The following NLGN1 variants were observed in gnomAD, a reference collection of about 807,000 sequenced individuals.
NLGN1 encodes the protein neuroligin 1, also known as neuroligin-1.
Under a neutral mutation model 65.5 loss-of-function variants are expected in NLGN1, and 12 were observed. That is an observed-to-expected ratio of 0.18 (90% CI 0.12 to 0.30). The LOEUF (loss-of-function observed/expected upper bound fraction) is 0.30, where lower values mean the gene tolerates loss of function less well. NLGN1 is among the 10% of genes least tolerant of loss of function. The pLI, the probability that NLGN1 is intolerant of heterozygous loss-of-function variation, is 1.00. For missense variants in NLGN1, 750 were observed against 1,007.1 expected, an observed-to-expected ratio of 0.74 and a Z score of 3.46; for synonymous variants, 350 against 359.5, an observed-to-expected ratio of 0.97 and a Z score of 0.30.
At chr3:174,177,998 T>C (rs1729754752) in intron 4 of NLGN1, among the ~76,000 whole-genome samples, 1 of 152,060 alleles carries the variant, frequency 6.6e-6, no homozygotes, top group Non-Finnish European at 1.5e-5. Context: ...TCCCACTCAC[T>C]AGCTTTCTAA....
chr3:174,078,112 C>T (rs978058167), intron 4 of NLGN1, among the ~76,000 whole-genome samples: 2 of 151,948 alleles, frequency 1.3e-5, no homozygotes, highest in African/African-American at 4.8e-5. Context: ...AAAAACCATA[C>T]TATATGATGT....
intron 4 of NLGN1, among the ~76,000 whole-genome samples, chr3:174,268,617 G>A (rs1452108306): frequency 2.0e-5 from 3 of 152,096 alleles, no homozygotes; most frequent in Admixed American, 1.3e-4. Context: ...AGAGTTACAA[G>A]ATGTTAACAT....
At chr3:173,589,003 A>G (rs1035561309) in intron 2 of NLGN1, among the ~76,000 whole-genome samples, 90 of 152,212 alleles carry the variant, frequency 5.9e-4, no homozygotes, top group African/African-American at 2.0e-3. Context: ...CATGAAATTC[A>G]TTTTGGAACA....
intron 3 of NLGN1, among the ~76,000 whole-genome samples, 152 bp from the exon 3 acceptor site, chr3:173,605,382 C>T (rs1751219754): frequency 6.6e-6 from 1 of 152,046 alleles, no homozygotes; most frequent in Non-Finnish European, 1.5e-5. Context: ...GATGCATCAA[C>T]ATTTCCTCAT....
intron 3 of NLGN1, among the ~76,000 whole-genome samples, chr3:173,719,400 A>G (rs1404452759): frequency 6.6e-6 from 1 of 152,046 alleles, no homozygotes; most frequent in Non-Finnish European, 1.5e-5. Flanking sequence ...TTTTTTTTAA[A>G]CAAAAGTGAC....
intron 4 of NLGN1, among the ~76,000 whole-genome samples, chr3:174,052,027 G>A (rs1247264137): frequency 2.0e-5 from 3 of 151,960 alleles, no homozygotes; most frequent in Admixed American, 6.6e-5. Context: ...TGGCATAATC[G>A]GTTTTAACAC....
intron 4 of NLGN1, among the ~76,000 whole-genome samples, chr3:173,869,223 G>A (rs146635447): frequency 1.6e-3 from 242 of 152,222 alleles, no homozygotes; most frequent in African/African-American, 5.7e-3. Context: ...ATCATGCACT[G>A]CTAGAAATAA....
intron 3 of NLGN1, among the ~76,000 whole-genome samples, chr3:173,631,494 A>T (rs1423790560): frequency 1.3e-5 from 2 of 152,108 alleles, no homozygotes; most frequent in African/African-American, 4.8e-5. Context: ...GTTTGTATGA[A>T]TTTCTGTGTA....
In NLGN1 at chr3:173,557,102, G is replaced by A. The variant is rs137899862; in HGVS notation, c.-320-47177G>A. 1.9e-3 allele frequency among the ~76,000 whole-genome samples: 287 copies of A among 152,066 alleles called. 1 individual carries two copies. The highest frequency in any genetic ancestry group is 6.6e-3 in the African/African-American group (272 of 41,482). ...GATAAATTTTCCAACCATCATTCTG[G>A]ATGCATTTACTTCTCCCTGAAATAA... On this transcript the variant is annotated intron_variant, in intron 2 of 6. Coordinates refer to ENST00000457714, the Ensembl canonical transcript of NLGN1.
intron 3 of NLGN1, among the ~76,000 whole-genome samples, chr3:173,618,249 G>A (rs1753444942): frequency 6.6e-6 from 1 of 152,044 alleles, no homozygotes; most frequent in African/African-American, 2.4e-5. Flanking sequence ...AGGCTGGAAT[G>A]CAGTTGCAAG....
At chr3:174,128,214 A>G (rs1719379341) in intron 4 of NLGN1, among the ~76,000 whole-genome samples, 1 of 152,160 alleles carries the variant, frequency 6.6e-6, no homozygotes, top group East Asian at 1.9e-4. Context: ...TTTTGACCAA[A>G]TAGATTCACA....
intron 4 of NLGN1, among the ~76,000 whole-genome samples, chr3:174,186,005 A>G (rs1731333257): frequency 6.6e-6 from 1 of 152,052 alleles, no homozygotes; most frequent in African/African-American, 2.4e-5. Flanking sequence ...AGCTTAGACC[A>G]CAATAGGTAC....
chr3:174,223,073 G>A (rs961343998), intron 4 of NLGN1, among the ~76,000 whole-genome samples: 11 of 152,020 alleles, frequency 7.2e-5, no homozygotes, highest in African/African-American at 2.4e-4. Flanking sequence ...ACTCCGTCAG[G>A]GATTTTATAT....
chr3:174,206,819 G>T (rs1735508428), intron 4 of NLGN1, among the ~76,000 whole-genome samples: 1 of 152,058 alleles, frequency 6.6e-6, no homozygotes, highest in South Asian at 2.1e-4. Flanking sequence ...TGGAAGCAAG[G>T]GTGTGCCTTT....
At chr3:173,438,387 A>G (rs886935025) in intron 2 of NLGN1, among the ~76,000 whole-genome samples, 7 of 152,188 alleles carry the variant, frequency 4.6e-5, no homozygotes, top group Non-Finnish European at 5.9e-5. Flanking sequence ...TCCTATTAAA[A>G]GTATACAAGG....
chr3:174,192,956 C>T (rs1216046344), intron 4 of NLGN1, among the ~76,000 whole-genome samples: 1 of 151,940 alleles, frequency 6.6e-6, no homozygotes, highest in Non-Finnish European at 1.5e-5. Flanking sequence ...TTTATCCATA[C>T]ACTTAACTCC....
intron 4 of NLGN1, among the ~76,000 whole-genome samples, chr3:174,013,758 G>T (rs1726005872): frequency 6.6e-6 from 1 of 152,178 alleles, no homozygotes; most frequent in Non-Finnish European, 1.5e-5. Flanking sequence ...CTGTCATCCA[G>T]GCTGGAGTGA....
chr3:173,539,947 A>C (rs527537947), intron 2 of NLGN1, among the ~76,000 whole-genome samples: 5 of 149,734 alleles, frequency 3.3e-5, no homozygotes, highest in African/African-American at 1.2e-4. Flanking sequence ...GTGTATATAT[A>C]TCTTAGTGAT....
intron 4 of NLGN1, among the ~76,000 whole-genome samples, chr3:173,851,312 A>G (rs1578785418): frequency 6.6e-6 from 1 of 152,204 alleles, no homozygotes; most frequent in Non-Finnish European, 1.5e-5. Flanking sequence ...ATAATAAATC[A>G]TTCATCTACA....
Sources: gnomAD v4.1 joint callset for allele counts (sites outside exome capture counted in the v4.1 genomes callset) on GRCh38, gnomAD v4.1.1 for gene constraint, MANE v1.5 for transcripts, NCBI Gene and HGNC (gene_info 2026-07-23, HGNC 2026-07-21) for gene names.